Variants in MYO1H observed in about 807,000 individuals in gnomAD.
MYO1H encodes the protein unconventional myosin-Ih.
In MYO1H, 118 loss-of-function variants were observed where a neutral mutation model predicts 149.3. The observed-to-expected ratio is 0.79, with a 90% CI of 0.68 to 0.92. The LOEUF (loss-of-function observed/expected upper bound fraction) is 0.92, where lower values mean the gene tolerates loss of function less well. MYO1H is among the 40% of genes least tolerant of loss of function. MYO1H has a pLI of 0.00. For missense variants in MYO1H, 1,212 were observed against 1,280.7 expected (o/e 0.95, Z 0.82); for synonymous variants, 447 against 465.2 (o/e 0.96, Z 0.50).
chr12:109,427,423 AG>A, intron 18 of MYO1H, 45 bp from the exon 19 acceptor site: 1 of 1,276,976 alleles, frequency 7.8e-7, no homozygotes, highest in Non-Finnish European at 1.1e-6. Flanking sequence ...GTTGATATGA[AG>A]CCATGGGATC....
At chr12:109,356,825 G>C (rs188401318) in intron 1 of MYO1H, among the ~76,000 whole-genome samples, 1 of 152,142 alleles carries the variant, frequency 6.6e-6, no homozygotes, top group Admixed American at 6.5e-5. Flanking sequence ...CAGTCCCCTT[G>C]TTGTTAGATA....
At chr12:109,361,813 C>CGAAAA (rs1868758066) in intron 1 of MYO1H, among the ~76,000 whole-genome samples, 1 of 56,826 alleles carries the variant, frequency 1.8e-5, no homozygotes, top group Non-Finnish European at 3.3e-5. Flanking sequence ...CCTTGTCTCA[C>CGAAAA]AAAAAAAAAA....
chr12:109,402,572 G>A (rs1331943167), intron 6 of MYO1H, among the ~76,000 whole-genome samples: 6 of 152,022 alleles, frequency 3.9e-5, no homozygotes, highest in Non-Finnish European at 7.4e-5. Flanking sequence ...ATTTAAGACC[G>A]GCCTGGGCAA....
chr12:109,441,653 A>G, exon 26 of MYO1H: 2 of 1,613,140 alleles, frequency 1.2e-6, no homozygotes, highest in Non-Finnish European at 1.7e-6. Flanking sequence ...TCTTCAGGGG[A>G]AGGAAAGACG....
chr12:109,409,240 CTTCTTCTTTTTTTTTTTT>C (rs1870544906), intron 10 of MYO1H, among the ~76,000 whole-genome samples: 3 of 91,034 alleles, frequency 3.3e-5, no homozygotes, highest in East Asian at 3.0e-4. Context: ...TCTTCTTCTT[CTTCTTCTTTTTTTTTTTT>C]TTTTTTTTTT....
upstream of MYO1H, among the ~76,000 whole-genome samples, chr12:109,345,267 A>G (rs2040095571): frequency 6.6e-6 from 1 of 152,230 alleles, no homozygotes; most frequent in Non-Finnish European, 1.5e-5. Context: ...CAACAAAAAG[A>G]CAAAGAACCC....
rs139116040 is a variant in MYO1H, at chr12:109,401,335, C to T, written c.750+63C>T. 642 of 1,498,054 alleles carry T rather than the reference C, an allele frequency of 4.3e-4. 2 individuals are homozygous for T. The highest frequency in any genetic ancestry group is 5.2e-4 in the Non-Finnish European group (576 of 1,108,374). The allele number at this position is 1,498,054 out of a possible 1,614,324, so 92.8% of individuals were successfully genotyped here. A position where few individuals can be genotyped will look rare whatever the true frequency, so the allele number is the denominator to read the frequency against. ...GAGCAGGGGATCAGAGATGTTTCTACGTGCTGCTGTAGGATGTTTGAGACA... is the reference window on the plus strand; with the variant it reads ...GAGCAGGGGATCAGAGATGTTTCTATGTGCTGCTGTAGGATGTTTGAGACA... On this transcript the variant is annotated intron_variant, in intron 6 of 31. Coordinates refer to ENST00000310903, the Ensembl canonical transcript of MYO1H.
At chr12:109,438,063 G>A (rs1036030621) in intron 22 of MYO1H, among the ~76,000 whole-genome samples, 1 of 145,194 alleles carries the variant, frequency 6.9e-6, no homozygotes, top group Non-Finnish European at 1.5e-5. Flanking sequence ...ACTCCAGCTT[G>A]GGCGACAGAG....
chr12:109,388,814 C>T (rs749797102), exon 2 of MYO1H: 1 of 1,612,900 alleles, frequency 6.2e-7, no homozygotes, highest in Non-Finnish European at 8.5e-7. Flanking sequence ...TCGACAACCT[C>T]CGCAAGCGTT....
intron 1 of MYO1H, among the ~76,000 whole-genome samples, chr12:109,372,566 A>G (rs1869004573): frequency 6.6e-6 from 1 of 152,100 alleles, no homozygotes; most frequent in South Asian, 2.1e-4. Context: ...TCCATTTAGC[A>G]ATATTGAATT....
intron 22 of MYO1H, among the ~76,000 whole-genome samples, chr12:109,437,097 C>G (rs995431049): frequency 6.6e-6 from 1 of 151,766 alleles, no homozygotes; most frequent in African/African-American, 2.4e-5. Context: ...AAAGTGAGAC[C>G]CTGTCTCAAA....
the MYO1H span, among the ~76,000 whole-genome samples, chr12:109,320,987 C>T: frequency 6.6e-6 from 1 of 151,934 alleles, no homozygotes; most frequent in Non-Finnish European, 1.5e-5. Flanking sequence ...ACTTGGGAGG[C>T]TGAGGCAGGA....
At chr12:109,323,443 T>C in the MYO1H span, among the ~76,000 whole-genome samples, 1 of 152,238 alleles carries the variant, frequency 6.6e-6, no homozygotes, top group Admixed American at 6.5e-5. Flanking sequence ...TGAATTCTTA[T>C]GAGTCACCTG....
intron 7 of MYO1H, 136 bp from the exon 8 acceptor site, chr12:109,405,786 G>A (rs984771357): frequency 1.5e-5 from 10 of 669,156 alleles, no homozygotes; most frequent in African/African-American, 9.1e-5. Context: ...GCTTGGTTCT[G>A]TGGGCTCAGG....
intron 5 of MYO1H, among the ~76,000 whole-genome samples, chr12:109,399,146 T>A (rs1358487933): frequency 6.6e-6 from 1 of 152,176 alleles, no homozygotes; most frequent in Non-Finnish European, 1.5e-5. Flanking sequence ...TGGAGTGGAT[T>A]TGGAAAGAAA....
chr12:109,386,382 T>C (rs186456133), intron 1 of MYO1H, among the ~76,000 whole-genome samples: 39 of 152,306 alleles, frequency 2.6e-4, no homozygotes, highest in African/African-American at 9.1e-4. Context: ...AGGAGTGGAA[T>C]CGCTGGATCA....
chr12:109,440,787 A>T, exon 25 of MYO1H: 1 of 1,566,086 alleles, frequency 6.4e-7, no homozygotes, highest in Non-Finnish European at 8.7e-7. Flanking sequence ...AACCTGGTGC[A>T]GAAGTACTGC....
At chr12:109,356,313 T>C (rs986713882) in intron 1 of MYO1H, among the ~76,000 whole-genome samples, 4 of 152,204 alleles carry the variant, frequency 2.6e-5, no homozygotes, top group Non-Finnish European at 4.4e-5. Flanking sequence ...GAAATATCTT[T>C]TGTTCCAGAG....
exon 30 of MYO1H, chr12:109,444,482 C>T (rs1872391742): frequency 2.5e-5 from 40 of 1,613,952 alleles, no homozygotes; most frequent in Non-Finnish European, 3.3e-5. Context: ...TTACTAAACT[C>T]GTCATGCTGG....
Sources: gnomAD v4.1 joint callset for allele counts (sites outside exome capture counted in the v4.1 genomes callset) on GRCh38, gnomAD v4.1.1 for gene constraint, MANE v1.5 for transcripts, NCBI Gene and HGNC (gene_info 2026-07-23, HGNC 2026-07-21) for gene names.